Variants in STK32B observed in about 807,000 individuals in gnomAD.
The protein encoded by STK32B is serine/threonine kinase 32B, also known as serine/threonine-protein kinase 32B.
A neutral mutation model predicts 52.6 loss-of-function variants in STK32B; 43 were observed. That is an observed-to-expected ratio of 0.82 (90% CI 0.64 to 1.05). The LOEUF (loss-of-function observed/expected upper bound fraction) is 1.05, where lower values mean the gene tolerates loss of function less well. Ranked by LOEUF, STK32B falls within the 50% of genes least tolerant of loss-of-function variation. STK32B has a pLI of 0.00. For synonymous variants in STK32B, 238 were observed against 204.3 expected, an observed-to-expected ratio of 1.17 and a Z score of -1.41; for missense variants, 621 against 534.6, an observed-to-expected ratio of 1.16 and a Z score of -1.59.
intron 3 of STK32B, among the ~76,000 whole-genome samples, chr4:5,239,441 G>T (rs1489011917): frequency 3.9e-5 from 6 of 152,120 alleles, no homozygotes; most frequent in Non-Finnish European, 8.8e-5. Flanking sequence ...TGGCCTGAAG[G>T]TGAGGGGACA....
At chr4:5,490,947 A>ATATG (rs1719680912) in intron 11 of STK32B, among the ~76,000 whole-genome samples, 1 of 152,076 alleles carries the variant, frequency 6.6e-6, no homozygotes, top group African/African-American at 2.4e-5. Flanking sequence ...TGTATATGTG[A>ATATG]CACATTTTCT....
At chr4:5,468,526 G>A (rs1648347527) in intron 11 of STK32B, among the ~76,000 whole-genome samples, 1 of 152,214 alleles carries the variant, frequency 6.6e-6, no homozygotes, top group Admixed American at 6.5e-5. Flanking sequence ...AAATGAGGCT[G>A]TGGTCCCGCA....
intron 3 of STK32B, among the ~76,000 whole-genome samples, chr4:5,229,463 C>G (rs1374030872): frequency 1.3e-5 from 2 of 152,070 alleles, no homozygotes; most frequent in African/African-American, 4.8e-5. Context: ...AAATAGTTTT[C>G]TTTGTTTTCT....
At chr4:5,138,698 C>T (rs1716224575) in intron 1 of STK32B, among the ~76,000 whole-genome samples, 1 of 152,126 alleles carries the variant, frequency 6.6e-6, no homozygotes, top group Non-Finnish European at 1.5e-5. Context: ...TAAAATTACA[C>T]AAAGCGATGT....
intron 3 of STK32B, among the ~76,000 whole-genome samples, chr4:5,214,833 T>G (rs538895094): frequency 1.3e-5 from 2 of 152,350 alleles, no homozygotes; most frequent in Non-Finnish European, 2.9e-5. Flanking sequence ...AATTTTTGTT[T>G]TATTGTGAGA....
intron 6 of STK32B, among the ~76,000 whole-genome samples, chr4:5,441,596 T>C (rs989243830): frequency 3.3e-5 from 5 of 152,040 alleles, no homozygotes; most frequent in African/African-American, 9.6e-5. Context: ...TTTGTGTCTC[T>C]ATTTCCTTCA....
intron 1 of STK32B, among the ~76,000 whole-genome samples, chr4:5,126,634 G>T (rs1011031096): frequency 2.6e-5 from 4 of 152,240 alleles, no homozygotes; most frequent in African/African-American, 9.6e-5. Context: ...CATTCTGGTA[G>T]AGTAGAATCA....
intron 3 of STK32B, among the ~76,000 whole-genome samples, chr4:5,319,142 A>C (rs547027333): frequency 4.4e-4 from 67 of 152,174 alleles, no homozygotes; most frequent in Non-Finnish European, 1.5e-4. Flanking sequence ...ATTATGTGTC[A>C]GTCACTTTTC....
chr4:5,082,281 T>C (rs898537578), intron 1 of STK32B, among the ~76,000 whole-genome samples: 1 of 152,200 alleles, frequency 6.6e-6, no homozygotes, highest in African/African-American at 2.4e-5. Context: ...GTCAGCTGTC[T>C]ACATGTGCTC....
At chr4:5,218,549 G>A (rs565049937) in intron 3 of STK32B, among the ~76,000 whole-genome samples, 56 of 152,272 alleles carry the variant, frequency 3.7e-4, no homozygotes, top group African/African-American at 1.2e-3. Context: ...ACATGGCTCC[G>A]GGACCCTACC....
At chr4:5,316,168 T>TATATATAACTAA (rs1560309961) in intron 3 of STK32B, among the ~76,000 whole-genome samples, 1,308 of 99,460 alleles carry the variant, frequency 0.013, 65 homozygotes, top group African/African-American at 0.045. Flanking sequence ...TATAACTAAA[T>TATATATAACTAA]ATATATATAA....
At chr4:5,420,032 C>A (rs1181012972) in intron 6 of STK32B, among the ~76,000 whole-genome samples, 3 of 152,178 alleles carry the variant, frequency 2.0e-5, no homozygotes, top group Admixed American at 6.5e-5. Flanking sequence ...TAACCTATAA[C>A]TTCTTTTAAT....
intron 3 of STK32B, among the ~76,000 whole-genome samples, chr4:5,291,126 T>C (rs28855156): frequency 0.07 from 10,610 of 152,146 alleles, 432 homozygotes; most frequent in South Asian, 0.099. Context: ...TTTGTCATTT[T>C]TTGAAGGATT....
the STK32B span, among the ~76,000 whole-genome samples, chr4:5,042,773 A>C: frequency 6.6e-6 from 1 of 152,230 alleles, no homozygotes; most frequent in Non-Finnish European, 1.5e-5. Flanking sequence ...CGTCCCTGAC[A>C]AAAAGCAATA....
At chr4:5,365,627 C>G (rs1185765882) in intron 4 of STK32B, among the ~76,000 whole-genome samples, 1 of 152,172 alleles carries the variant, frequency 6.6e-6, no homozygotes, top group Non-Finnish European at 1.5e-5. Context: ...TGCAAACCTT[C>G]AACCCCACCA....
chr4:5,268,538 GGTGT>G (rs10593272), intron 3 of STK32B, among the ~76,000 whole-genome samples: 13,617 of 139,872 alleles, frequency 0.097, 673 homozygotes, highest in East Asian at 0.14. Context: ...TGCTTGGTGT[GGTGT>G]GTGTGTGTGT....
chr4:5,168,234 C>T, intron 2 of STK32B, 65 bp from the exon 3 acceptor site: 5 of 1,559,500 alleles, frequency 3.2e-6, no homozygotes, highest in South Asian at 2.4e-5. Context: ...TGCGGGGTGA[C>T]ATTTCTCCTT....
rs1363943926 is a variant in STK32B, at chr4:5,316,224, T to A, written c.261-14996T>A. ...ATATAATATATATTACATAATATAT[T>A]ATATATACAATATTATATATTGTAT... On this transcript the variant is annotated intron_variant, in intron 3 of 11. Coordinates refer to ENST00000282908, the MANE Select transcript of STK32B (RefSeq NM_018401.3). Among the ~76,000 whole-genome samples the A allele has an allele frequency of 7.8e-3, 550 of 70,114 alleles. 4 individuals carry two copies. The highest frequency in any genetic ancestry group is 0.049 in the African/African-American group (390 of 7,912). The allele number at this position is 70,114 out of a possible 152,430, so 46.0% of individuals were successfully genotyped here.
At chr4:5,051,109 A>C (rs1164451608), upstream of STK32B, among the ~76,000 whole-genome samples, 1 of 152,120 alleles carries the variant, frequency 6.6e-6, no homozygotes, top group African/African-American at 2.4e-5. Context: ...GCCCATCCCA[A>C]TATGAATGGG....
Sources: allele counts gnomAD v4.1 joint callset (sites outside exome capture counted in the v4.1 genomes callset), GRCh38; gene constraint gnomAD v4.1.1; transcripts MANE v1.5; gene names NCBI Gene and HGNC (gene_info 2026-07-23, HGNC 2026-07-21).